The following SAMD11 variants were observed in gnomAD, a reference collection of about 807,000 sequenced individuals.
The protein encoded by SAMD11 is sterile alpha motif domain containing 11.
Under a neutral mutation model 64.4 loss-of-function variants are expected in SAMD11, and 77 were observed. That is an observed-to-expected ratio of 1.20 (90% confidence interval 0.99 to 1.44). The LOEUF (loss-of-function observed/expected upper bound fraction) is 1.44. SAMD11 is among the 40% of genes most tolerant of loss of function. SAMD11 has a pLI of 0.00. For missense variants in SAMD11, 1,402 were observed against 943.3 expected, an observed-to-expected ratio of 1.49 and a Z score of -6.37; for synonymous variants, 658 against 421.9, an observed-to-expected ratio of 1.56 and a Z score of -6.86.
chr1:942,796 G>T lies in SAMD11; in HGVS notation c.1791G>T (p.Lys597Asn). ...ACTCTGCCCGGCGAGCCCCCCGGAA[G>T]GGGGGTCCCGGCCCTGCCTCAGCGC... ...SRDSARRAPR[K>N]GGPGPASARP... Residue 597 changes from lysine to asparagine, a missense_variant, in exon 11 of 14, where the codon AAG becomes AAT. Lys to Asn is a moderately conservative substitution (Grantham distance 94). Transcript: ENST00000616016. The T allele has an allele frequency of 6.5e-7, 1 of 1,542,726 alleles. No individual in the cohort carries two copies. Among genetic ancestry groups the T allele is most frequent in the South Asian group, 1.2e-5 (1 of 83,614 alleles).
At chr1:939,510 T>C (rs773555853) in intron 7 of SAMD11, 98 bp downstream of exon 7, 2 of 1,553,746 alleles carry the variant, frequency 1.3e-6, no homozygotes, top group Non-Finnish European at 1.7e-6. Flanking sequence ...CCCAGCCACA[T>C]GTACTCGGCC....
rs370766372 is a variant in SAMD11 at position 944,150 on chromosome 1, T to G, written c.2532T>G (p.Cys844Trp). 62 of 1,551,202 alleles carry G rather than the reference T, an allele frequency of 4.0e-5. No individual in the cohort carries two copies. Among genetic ancestry groups the G allele is most frequent in the Non-Finnish European group, 5.2e-5 (60 of 1,147,182 alleles). ...CCCCCGACCCTTCCCAGCCTCTGTG[T>G]TGAGGTTGCCGGGGGTAGGGGTGGG... Reference protein sequence around the residue: ...PGAPDPSQPLC With the variant: ...PGAPDPSQPLW The change falls in exon 14 of 14, where the codon TGT becomes TGG. Residue 844 changes from cysteine (C) to tryptophan (W), a missense_variant. Transcript: ENST00000616016.
chr1:939,345 AGCACTGAGCGAG>A lies in SAMD11; in HGVS notation c.1131_1142del (p.Leu378_Ala381del). On this transcript the variant is annotated inframe_deletion, in exon 7 of 14. Transcript: ENST00000616016. ...AGGACCATTACCGCCGGCTTGTGTC[AGCACTGAGCGAG>A]GCCAGCACCTTTGAGGACCCTCAGC... 1 of 1,612,212 alleles carries A rather than the reference AGCACTGAGCGAG, an allele frequency of 6.2e-7. No homozygotes were observed. The highest frequency in any genetic ancestry group is 8.5e-7 in the Non-Finnish European group (1 of 1,179,782).
chr1:935,953 GGCGTCTCCACTCA>G, intron 5 of SAMD11, 57 bp downstream of exon 5: 7 of 1,571,760 alleles, frequency 4.5e-6, no homozygotes, highest in Non-Finnish European at 6.1e-6. Flanking sequence ...AGAGGACGGT[GGCGTCTCCACTCA>G]GCACCAGCAG....
chr1:926,921 C>T lies in SAMD11; in HGVS notation c.609+908C>T, dbSNP rs186804141. ...GCAAAATGGGCCTGAGGGTCCCGGG[C>T]GTACCTCCGCTTGCCTGCTTTGGGC... is the stretch of plus-strand genomic sequence containing the variant. On this transcript the variant is annotated intron_variant, in intron 2 of 13. Coordinates refer to ENST00000616016, the MANE Select transcript of SAMD11 (RefSeq NM_001385641.1). 2.6e-5 allele frequency among the ~76,000 whole-genome samples: 4 copies of T among 152,162 alleles called. No individual in the cohort carries two copies. The East Asian group carries it at 5.8e-4, about 22-fold the overall frequency.
intron 7 of SAMD11, 111 bp from the exon 8 acceptor site, chr1:941,033 A>C: frequency 2.8e-5 from 27 of 967,156 alleles, no homozygotes; most frequent in Non-Finnish European, 3.2e-5. Flanking sequence ...GGGGCCGAGC[A>C]CGGCCGAGTG....
In SAMD11 at chr1:944,042, G is replaced by T. The variant is rs142832714; in HGVS notation, c.2424G>T (p.Thr808=). ...GEQPLSPTTA[T]SPYGGGHALA... is the part of the protein sequence containing the mutation. ...AGCCCTTGTCCCCCACGACGGCCACGTCCCCCTATGGAGGGGGCCACGCCC... is the reference window on the plus strand; with the variant it reads ...AGCCCTTGTCCCCCACGACGGCCACTTCCCCCTATGGAGGGGGCCACGCCC... The change falls in exon 14 of 14, where the codon ACG becomes ACT. Residue 808 remains threonine (T), a synonymous_variant. Transcript: ENST00000616016. 480 of 1,612,762 alleles carry T rather than the reference G, an allele frequency of 3.0e-4. 2 individuals carry two copies. The highest frequency in any genetic ancestry group is 3.9e-4 in the Non-Finnish European group (457 of 1,179,954).
At chr1:929,558 G>A (rs2340587) in intron 2 of SAMD11, among the ~76,000 whole-genome samples, 90,697 of 152,108 alleles carry the variant, frequency 0.6, 30,147 homozygotes, top group Non-Finnish European at 0.76. Context: ...CGTTGGCATC[G>A]GTGGCAGGGT....
At chr1:930,070 C>T (rs868168390) in intron 2 of SAMD11, 85 bp from the exon 3 acceptor site, 14 of 1,441,156 alleles carry the variant, frequency 9.7e-6, no homozygotes, top group South Asian at 4.2e-5. Context: ...GGAGATGGAA[C>T]GGCCCGGTCC....
intron 8 of SAMD11, among the ~76,000 whole-genome samples, chr1:941,679 A>G (rs1305063729): frequency 6.6e-6 from 1 of 151,954 alleles, no homozygotes; most frequent in African/African-American, 2.4e-5. Flanking sequence ...CGGCACAGAC[A>G]AGGCCTCCGG....
At position 942,783 on chromosome 1, in the gene SAMD11, G is replaced by T; in HGVS notation, c.1778G>T (p.Arg593Leu). 6.5e-7 allele frequency: 1 copy of T among 1,537,364 alleles called. No homozygotes were observed. Residue 593 changes from arginine (R) to leucine (L), a missense_variant, in exon 11 of 14, where the codon CGA becomes CTA. Transcript: ENST00000616016. ...ACCCCGTCCCGGGACTCTGCCCGGCGAGCCCCCCGGAAGGGGGGTCCCGGC... is the reference window on the plus strand; with the variant it reads ...ACCCCGTCCCGGGACTCTGCCCGGCTAGCCCCCCGGAAGGGGGGTCCCGGC... Reference protein sequence around the residue: ...PPTPSRDSARRAPRKGGPGPA... With the variant: ...PPTPSRDSARLAPRKGGPGPA...
At chr1:940,354 C>G (rs1008016845) in intron 7 of SAMD11, 1 of 148,726 alleles carries the variant, frequency 6.7e-6, no homozygotes, top group Non-Finnish European at 1.5e-5. Context: ...ACTAACCCGG[C>G]CGCTAGCGCG....
chr1:942,387 C>CCCCCCG, intron 9 of SAMD11, 23 bp from the exon 10 acceptor site: 1 of 1,387,170 alleles, frequency 7.2e-7, no homozygotes, highest in Non-Finnish European at 9.6e-7. Flanking sequence ...CCCCCGACCC[C>CCCCCCG]GCGTTGTCCC....
At chr1:926,298 C>A (rs1229290566) in intron 2 of SAMD11, among the ~76,000 whole-genome samples, 3 of 152,212 alleles carry the variant, frequency 2.0e-5, no homozygotes, top group Admixed American at 1.3e-4. Context: ...TGCTTATCCT[C>A]GAGTCCTGGG....
chr1:942,741 C>A lies in SAMD11; in HGVS notation c.1736C>A (p.Pro579Gln). 6.7e-7 allele frequency: 1 copy of A among 1,483,422 alleles called. No homozygotes were observed. The highest frequency in any genetic ancestry group is 8.9e-7 in the Non-Finnish European group (1 of 1,124,966). The allele number at this position is 1,483,422 out of a possible 1,614,324, so 91.9% of individuals were successfully genotyped here. Reference sequence around the variant, plus strand: ...CTGGCCCTGCCCCCCCAGGGGCCCCCGGGCTCCGGACCCCCCACCCCGTCC... The same window carrying A: ...CTGGCCCTGCCCCCCCAGGGGCCCCAGGGCTCCGGACCCCCCACCCCGTCC... Reference protein sequence around the residue: ...PLLALPPQGPPGSGPPTPSRD... With the variant: ...PLLALPPQGPQGSGPPTPSRD... Residue 579 changes from proline (P) to glutamine (Q), a missense_variant, in exon 11 of 14, where the codon CCG (proline) becomes CAG (glutamine). Transcript: ENST00000616016.
rs1370063756 is a variant in SAMD11, at chr1:941,164, G to A, written c.1216G>A (p.Glu406Lys). 2 of 1,601,494 alleles carry A rather than the reference G, an allele frequency of 1.2e-6. No individual in the cohort carries two copies. Among genetic ancestry groups the A allele is most frequent in the Non-Finnish European group, 8.5e-7 (1 of 1,175,032 alleles). ...PSHDLLRVRQ[E>K]VAAAALRGPS... Reference sequence around the variant, plus strand: ...CCCAGATCTCCTGAGGGTCCGGCAGGAGGTGGCGGCTGCAGCTCTGAGGGG... The same window carrying A: ...CCCAGATCTCCTGAGGGTCCGGCAGAAGGTGGCGGCTGCAGCTCTGAGGGG... Residue 406 changes from glutamate (E) to lysine (K), a missense_variant, in exon 8 of 14, where the codon GAG becomes AAG. By Grantham distance (56) the Glu-to-Lys change is moderately conservative. Transcript: ENST00000616016.
At chr1:929,693 C>T (rs1253185196) in intron 2 of SAMD11, among the ~76,000 whole-genome samples, 4 of 152,192 alleles carry the variant, frequency 2.6e-5, no homozygotes, top group Non-Finnish European at 5.9e-5. Flanking sequence ...CCAGGAGACA[C>T]GCAGGGGCCC....
intron 8 of SAMD11, 27 bp from the exon 9 acceptor site, chr1:942,109 C>T (rs769637168): frequency 1.8e-5 from 13 of 721,246 alleles, no homozygotes; most frequent in African/African-American, 3.7e-5. Flanking sequence ...GCGGGGGGGA[C>T]GCCGCTCATT....
At chr1:935,645 CA>C in intron 4 of SAMD11, 126 bp from the exon 5 acceptor site, 3 of 1,299,184 alleles carry the variant, frequency 2.3e-6, no homozygotes, top group Non-Finnish European at 3.2e-6. Context: ...GAGGCGTGGG[CA>C]CAGCAACGTG....
Sources: gnomAD v4.1 joint callset for allele counts (sites outside exome capture counted in the v4.1 genomes callset) on GRCh38, gnomAD v4.1.1 for gene constraint, MANE v1.5 for transcripts, NCBI Gene and HGNC (gene_info 2026-07-23, HGNC 2026-07-21) for gene names.